DERPC: variants seen among roughly 807,000 people sequenced by gnomAD.
The protein encoded by DERPC is DERPC proline and glycine rich nuclear protein.
DERPC carries 1 observed loss-of-function variant against 7.2 expected under a neutral mutation model. That is an observed-to-expected ratio of 0.14 (90% CI 0.05 to 0.66). The LOEUF is 0.66. Ranked by LOEUF, DERPC falls within the 30% of genes least tolerant of loss-of-function variation. The pLI, the probability that DERPC is intolerant of heterozygous loss-of-function variation, is 0.84. For synonymous variants in DERPC, 185 were observed against 117.6 expected (o/e 1.57, Z -3.71); for missense variants, 502 against 299.4 (o/e 1.68, Z -4.99).
chr16:69,122,822 G>A (rs561341574), intron 1 of DERPC, among the ~76,000 whole-genome samples: 17 of 150,376 alleles, frequency 1.1e-4, no homozygotes, highest in Admixed American at 2.7e-4. Flanking sequence ...GATTACAGGC[G>A]TGAACCACCG....
At chr16:69,121,099 G>C (rs202112384) in intron 2 of DERPC, 1 of 1,614,022 alleles carries the variant, frequency 6.2e-7, no homozygotes, top group East Asian at 2.2e-5. Flanking sequence ...AGCTAATCCA[G>C]TGCTGTAGCG....
In DERPC at chr16:69,118,266, G is replaced by A. The variant is rs921836286; in HGVS notation, c.*588C>T. 3.2e-5 allele frequency: 26 copies of A among 819,354 alleles called. No individual in the cohort carries two copies. In the African/African-American group the frequency reaches 3.7e-4, roughly 12 times the overall value. 50.8% of individuals were successfully genotyped at this position (819,354 alleles called of 1,614,324 possible). On this transcript the variant is annotated 3_prime_UTR_variant, in exon 3 of 3. Coordinates refer to ENST00000519520, the MANE Select transcript of DERPC (RefSeq NM_001002847.4). ...GGCCACCTCTAAGTCCCAGGAGAAG[G>A]GAGCTGCAGGCCCAGTCAGTCAAGC...
At chr16:69,130,088 GTTAAATA>G (rs1962385423) in intron 1 of DERPC, among the ~76,000 whole-genome samples, 1 of 152,168 alleles carries the variant, frequency 6.6e-6, no homozygotes, top group Non-Finnish European at 1.5e-5. Context: ...TCTCTGAATT[GTTAAATA>G]TTAAATTGTT....
intron 1 of DERPC, among the ~76,000 whole-genome samples, chr16:69,128,376 G>C (rs1227006796): frequency 6.6e-6 from 1 of 152,124 alleles, no homozygotes; most frequent in East Asian, 1.9e-4. Context: ...TTACAGTGTG[G>C]TATCAGACTC....
At position 69,122,614 on chromosome 16, in the gene DERPC, C is replaced by T. The variant is rs908859713; in HGVS notation, c.-279-1121G>A. Among the ~76,000 whole-genome samples the T allele has an allele frequency of 3.3e-5, 5 of 150,696 alleles. No individual in the cohort carries two copies. In the East Asian group the frequency reaches 9.7e-4, roughly 29 times the overall value. ...GGAGTGCAGTGGCATGATCTCAGGT[C>T]ACTGCAACCTCTGCCTTCCAGGTTC... is the stretch of plus-strand genomic sequence containing the variant. On this transcript the variant is annotated intron_variant, in intron 1 of 2. Transcript: ENST00000519520.
rs1489267707 is a variant in DERPC at position 69,118,593 on chromosome 16, G to A, written c.*261C>T. On this transcript the variant is annotated 3_prime_UTR_variant, in exon 3 of 3. Coordinates refer to ENST00000519520, the MANE Select transcript of DERPC (RefSeq NM_001002847.4). ...AACAATGGGCAGAAAGCTGTGGGAC[G>A]AAAGCACAGCAGGCTTCTGGGAGGC... 3.9e-5 allele frequency: 28 copies of A among 723,834 alleles called. No homozygotes were observed. The highest frequency in any genetic ancestry group is 6.0e-5 in the Non-Finnish European group (24 of 397,484). 44.8% of individuals were successfully genotyped at this position (723,834 alleles called of 1,614,324 possible).
In DERPC at chr16:69,118,961, C is replaced by T. The variant is rs1286794159; in HGVS notation, c.1468G>A (p.Val490Ile). 11 of 702,884 alleles carry T rather than the reference C, an allele frequency of 1.6e-5. No homozygotes were observed. The highest frequency in any genetic ancestry group is 2.7e-5 in the East Asian group (1 of 37,292). The allele number at this position is 702,884 out of a possible 1,614,324, so 43.5% of individuals were successfully genotyped here. A position where few individuals can be genotyped will look rare whatever the true frequency, so the allele number is the denominator to read the frequency against. ...RMNGPAGKSF[V>I]PFPRVGSLPG... ...AGGCTCCCCACTCTAGGAAATGGGA[C>T]GAAACTCTTGCCTGCAGGGCCATTC... The change falls in exon 3 of 3, where the codon GTC becomes ATC. Residue 490 changes from valine to isoleucine, a missense_variant. Physicochemically the swap from Val to Ile is conservative, Grantham distance 29. Coordinates refer to ENST00000519520, the MANE Select transcript of DERPC (RefSeq NM_001002847.4).
intron 1 of DERPC, among the ~76,000 whole-genome samples, chr16:69,125,123 C>T (rs1485824818): frequency 1.3e-5 from 2 of 152,082 alleles, no homozygotes; most frequent in African/African-American, 4.8e-5. Context: ...AGGCTGGTCT[C>T]GAACTCCCAA....
chr16:69,125,457 C>A (rs1174325538), intron 1 of DERPC, among the ~76,000 whole-genome samples: 2 of 152,166 alleles, frequency 1.3e-5, no homozygotes, highest in African/African-American at 4.8e-5. Context: ...TGACTATCTA[C>A]ACTCATAATC....
intron 1 of DERPC, chr16:69,132,174 C>G (rs1269584479): frequency 1.3e-5 from 2 of 153,866 alleles, no homozygotes; most frequent in Admixed American, 1.3e-4. Flanking sequence ...CTCCGCCCCG[C>G]TCGCTCCCTT....
Position 69,121,543 on chromosome 16 carries a change from A to T in DERPC, c.-279-50T>A, listed in dbSNP as rs1050371433. The T allele has an allele frequency of 7.2e-6, 8 of 1,107,740 alleles. No individual in the cohort carries two copies. In the African/African-American group the frequency reaches 1.3e-4, roughly 17 times the overall value. 68.6% of individuals were successfully genotyped at this position (1,107,740 alleles called of 1,614,324 possible). On this transcript the variant is annotated intron_variant, in intron 1 of 2. Transcript: ENST00000519520. ...AGGGTAATAACAACAACAACTAATA[A>T]TGACACCTAATGCAACCTCCACCTC...
intron 1 of DERPC, among the ~76,000 whole-genome samples, chr16:69,130,150 T>C (rs1192592502): frequency 6.6e-6 from 1 of 152,208 alleles, no homozygotes; most frequent in Non-Finnish European, 1.5e-5. Context: ...TGAGCAATGA[T>C]CCTCATAATC....
In DERPC at chr16:69,119,332, G is replaced by C. The variant is rs1450634415; in HGVS notation, c.1097C>G (p.Ala366Gly). The C allele has an allele frequency of 1.4e-6, 1 of 702,980 alleles. No homozygotes were observed. The highest frequency in any genetic ancestry group is 2.6e-6 in the Non-Finnish European group (1 of 385,044). The allele number at this position is 702,980 out of a possible 1,614,324, so 43.5% of individuals were successfully genotyped here. A position where few individuals can be genotyped will look rare whatever the true frequency, so the allele number is the denominator to read the frequency against. The change falls in exon 3 of 3, where the codon GCA (alanine) becomes GGA (glycine). Residue 366 changes from alanine to glycine, a missense_variant. Coordinates refer to ENST00000519520, the MANE Select transcript of DERPC (RefSeq NM_001002847.4). ...AGACTGAGAAAAGGCAGATGAACCT[G>C]CTCCCCTGGGAAAGGGATTGGCATT... ...GVNANPFPRG[A>G]GSSAFSQSSG...
chr16:69,131,703 CTGGAG>C (rs902471726), intron 1 of DERPC, among the ~76,000 whole-genome samples: 1 of 151,324 alleles, frequency 6.6e-6, no homozygotes, highest in African/African-American at 2.4e-5. Context: ...ACACCACCCA[CTGGAG>C]TGGTCTTCCA....
Position 69,118,791 on chromosome 16 carries a change from G to A in DERPC, c.*63C>T, listed in dbSNP as rs1178192357. The stretch of plus-strand genomic sequence containing the variant: ...GCTCCACAACTACCCTTTTACCTAA[G>A]ACAGCCCCTGCCAAGAACCACAGTG... On this transcript the variant is annotated 3_prime_UTR_variant, in exon 3 of 3. Coordinates refer to ENST00000519520, the MANE Select transcript of DERPC (RefSeq NM_001002847.4). 6.1e-6 allele frequency: 4 copies of A among 654,990 alleles called. No individual in the cohort carries two copies. The highest frequency in any genetic ancestry group is 3.6e-5 in the African/African-American group (2 of 55,742). 40.6% of individuals were successfully genotyped at this position (654,990 alleles called of 1,614,324 possible). A position where few individuals can be genotyped will look rare whatever the true frequency, so the allele number is the denominator to read the frequency against.
intron 1 of DERPC, among the ~76,000 whole-genome samples, chr16:69,129,022 C>T (rs1453775189): frequency 6.6e-6 from 1 of 151,904 alleles, no homozygotes; most frequent in Non-Finnish European, 1.5e-5. Context: ...CGAGACTGTG[C>T]CACTGCACTC....
intron 1 of DERPC, 26 bp from the exon 2 acceptor site, chr16:69,121,519 G>C: frequency 1.4e-6 from 2 of 1,427,772 alleles, no homozygotes; most frequent in Non-Finnish European, 9.7e-7. Context: ...AAGAGATTTA[G>C]GGTAATAACA....
chr16:69,129,822 G>A (rs1415104927), intron 1 of DERPC, among the ~76,000 whole-genome samples: 1 of 152,180 alleles, frequency 6.6e-6, no homozygotes, highest in African/African-American at 2.4e-5. Context: ...AGTAACCTAT[G>A]GAAAGACCTT....
intron 1 of DERPC, among the ~76,000 whole-genome samples, chr16:69,122,365 C>CTTT (rs869246617): frequency 7.1e-6 from 1 of 140,424 alleles, no homozygotes; most frequent in Admixed American, 7.2e-5. Context: ...TAAGGATATT[C>CTTT]TTTTTTTTTT....
Sources: gnomAD v4.1 joint callset for allele counts (sites outside exome capture counted in the v4.1 genomes callset) on GRCh38, gnomAD v4.1.1 for gene constraint, MANE v1.5 for transcripts, NCBI Gene and HGNC (gene_info 2026-07-23, HGNC 2026-07-21) for gene names.